Variants in ELMOD3 observed in about 807,000 individuals in gnomAD.
The protein encoded by ELMOD3 is ELMO domain containing 3.
ELMOD3 carries 36 observed loss-of-function variants against 47.4 expected under a neutral mutation model. That is an observed-to-expected ratio of 0.76 (90% CI 0.58 to 1.00). The LOEUF is 1.00. ELMOD3 is among the 50% of genes least tolerant of loss of function. The pLI is 0.00. For synonymous variants in ELMOD3, 149 were observed against 183.5 expected, an observed-to-expected ratio of 0.81 and a Z score of 1.52; for missense variants, 404 against 463.8, an observed-to-expected ratio of 0.87 and a Z score of 1.18.
At chr2:85,356,099 A>T (rs144525036) in intron 3 of ELMOD3, 6 of 152,364 alleles carry the variant, frequency 3.9e-5, no homozygotes, top group African/African-American at 9.6e-5. Flanking sequence ...CGGATGTCCA[A>T]TTCCCCTGTG....
chr2:85,390,163 AT>A lies in ELMOD3; in HGVS notation c.842del (p.Ile281ThrfsTer4). On this transcript the variant is annotated frameshift_variant, in exon 13 of 14. Transcript: ENST00000409013. LOFTEE classifies it high-confidence loss of function. Reference protein sequence around the residue: ...SRECNRQQKVIPVVNSFYAAT... With the variant: ...SRECNRQQKVXPVVNSFYAAT... Reference sequence around the variant, plus strand: ...AGAGTGTAATCGGCAGCAGAAGGTCATCCCCGTGGTGAACAGCTTCTATGCC... The same window carrying A: ...AGAGTGTAATCGGCAGCAGAAGGTCACCCCGTGGTGAACAGCTTCTATGCC... The A allele has an allele frequency of 6.2e-7, 1 of 1,614,188 alleles. No homozygotes were observed.
intron 11 of ELMOD3, among the ~76,000 whole-genome samples, chr2:85,380,173 A>T (rs1391165704): frequency 1.3e-5 from 2 of 152,260 alleles, no homozygotes; most frequent in Non-Finnish European, 2.9e-5. Flanking sequence ...ATTGCCATAA[A>T]TTAAGAATAC....
intron 11 of ELMOD3, among the ~76,000 whole-genome samples, chr2:85,386,375 C>T (rs1345712753): frequency 7.5e-6 from 1 of 132,782 alleles, no homozygotes; most frequent in African/African-American, 2.8e-5. Flanking sequence ...TTTTTTGATA[C>T]GTAGGCTTTT....
intron 4 of ELMOD3, among the ~76,000 whole-genome samples, chr2:85,360,013 A>G (rs188837131): frequency 3.7e-4 from 56 of 152,222 alleles, no homozygotes; most frequent in African/African-American, 7.2e-5. Flanking sequence ...TGAGTGAGCC[A>G]TGATCGTGCC....
At chr2:85,384,733 C>T (rs1015518179) in intron 11 of ELMOD3, among the ~76,000 whole-genome samples, 1 of 152,100 alleles carries the variant, frequency 6.6e-6, no homozygotes, top group Admixed American at 6.6e-5. Context: ...GTGTGCCGTA[C>T]CATGCCCAGC....
At position 85,371,316 on chromosome 2, in the gene ELMOD3, TGGC is replaced by T. The variant is rs370124766; in HGVS notation, c.484+110_484+112del. 9.9e-4 allele frequency: 1,587 copies of T among 1,603,010 alleles called. 19 individuals are homozygous for T. The African/African-American group carries it at 0.019, about 19-fold the overall frequency. On this transcript the variant is annotated intron_variant, in intron 9 of 13. Transcript: ENST00000409013. ...CCAGGAATATTGCATGTACCATGGT[TGGC>T]GGGTGAGAGTGGGAGCTGAGAACTG...
At position 85,368,766 on chromosome 2, in the gene ELMOD3, A is replaced by T; in HGVS notation, c.268+12A>T. 6.2e-7 allele frequency: 1 copy of T among 1,614,040 alleles called. No homozygotes were observed. On this transcript the variant is annotated intron_variant, in intron 7 of 13. Coordinates refer to ENST00000409013, the MANE Select transcript of ELMOD3 (RefSeq NM_001135022.2). ...CCAGCCAGAGACAGGTAACTGTACG[A>T]ATGCTGCTGTCTCCCCATAGCCCCT...
chr2:85,384,136 A>G (rs564280604), intron 11 of ELMOD3, among the ~76,000 whole-genome samples: 1 of 152,380 alleles, frequency 6.6e-6, no homozygotes, highest in African/African-American at 2.4e-5. Flanking sequence ...GGAGGCAATC[A>G]GATATGCGTT....
At position 85,356,964 on chromosome 2, in the gene ELMOD3, C is replaced by A; in HGVS notation, c.-232-3C>A. 1 of 374,684 alleles carries A rather than the reference C, an allele frequency of 2.7e-6. No homozygotes were observed. The highest frequency in any genetic ancestry group is 4.7e-6 in the Non-Finnish European group (1 of 210,946). 23.2% of individuals were successfully genotyped at this position (374,684 alleles called of 1,614,324 possible). On this transcript the variant is annotated splice_polypyrimidine_tract_variant and splice_region_variant and intron_variant, in intron 3 of 13. Coordinates refer to ENST00000409013, the MANE Select transcript of ELMOD3 (RefSeq NM_001135022.2). ...TTCAATTTCTTTTTTTTCTTTTGTGCAGAGCTGAGGCTTCGAAGACCTCAG... is the reference window on the plus strand; with the variant it reads ...TTCAATTTCTTTTTTTTCTTTTGTGAAGAGCTGAGGCTTCGAAGACCTCAG...
intron 13 of ELMOD3, 132 bp from the exon 14 acceptor site, chr2:85,390,628 G>A (rs540893631): frequency 5.3e-6 from 8 of 1,500,292 alleles, no homozygotes; most frequent in Non-Finnish European, 7.1e-6. Flanking sequence ...CTCTCCATCT[G>A]AGGCTCCTTC....
chr2:85,390,010 TG>T, intron 12 of ELMOD3, 127 bp from the exon 13 acceptor site: 2 of 1,128,952 alleles, frequency 1.8e-6, no homozygotes, highest in Non-Finnish European at 1.4e-6. Flanking sequence ...GTCAGGCTCC[TG>T]GGGAATGGTG....
At chr2:85,371,337 G>A (rs910363899) in intron 9 of ELMOD3, 103 bp from the exon 10 acceptor site, 8 of 1,598,488 alleles carry the variant, frequency 5.0e-6, no homozygotes, top group Admixed American at 1.7e-5. Context: ...AGTGGGAGCT[G>A]AGAACTGGAT....
intron 6 of ELMOD3, among the ~76,000 whole-genome samples, chr2:85,366,606 G>T (rs1684404668): frequency 6.6e-6 from 1 of 152,180 alleles, no homozygotes. Flanking sequence ...CCCCATGAGG[G>T]GTTACAGATG....
At chr2:85,375,198 T>G (rs1453645858) in intron 10 of ELMOD3, among the ~76,000 whole-genome samples, 1 of 152,254 alleles carries the variant, frequency 6.6e-6, no homozygotes, top group Non-Finnish European at 1.5e-5. Flanking sequence ...GTCTTGAGTC[T>G]GTAGGTTTGT....
At chr2:85,387,518 T>C (rs1686013360) in intron 11 of ELMOD3, among the ~76,000 whole-genome samples, 1 of 151,740 alleles carries the variant, frequency 6.6e-6, no homozygotes, top group African/African-American at 2.4e-5. Flanking sequence ...AAAAATTAGC[T>C]GGGCGTGGTG....
At chr2:85,388,173 A>G (rs1312683692) in intron 11 of ELMOD3, among the ~76,000 whole-genome samples, 1 of 151,790 alleles carries the variant, frequency 6.6e-6, no homozygotes, top group Non-Finnish European at 1.5e-5. Context: ...ATTTTTTTGT[A>G]GAGACAGGAT....
intron 11 of ELMOD3, among the ~76,000 whole-genome samples, chr2:85,384,830 C>CT (rs1490043903): frequency 5.3e-5 from 8 of 152,030 alleles, no homozygotes; most frequent in African/African-American, 1.9e-4. Flanking sequence ...TTCATGGGAC[C>CT]TAGGATTCAT....
chr2:85,371,508 T>C lies in ELMOD3; in HGVS notation c.553T>C (p.Ser185Pro). ...GACCATCTATAAGAAGCTGACCGGC[T>C]CCAAGTTTGACTGTGCCCTTCATGG... Reference protein sequence around the residue: ...LQTIYKKLTGSKFDCALHGNH... With the variant: ...LQTIYKKLTGPKFDCALHGNH... The change falls in exon 10 of 14, where the codon TCC becomes CCC. Residue 185 changes from serine (S) to proline (P), a missense_variant. Coordinates refer to ENST00000409013, the MANE Select transcript of ELMOD3 (RefSeq NM_001135022.2). 6.2e-7 allele frequency: 1 copy of C among 1,614,202 alleles called. No individual in the cohort carries two copies. The highest frequency in any genetic ancestry group is 8.5e-7 in the Non-Finnish European group (1 of 1,180,034).
chr2:85,387,044 G>T, intron 11 of ELMOD3: 1 of 1,281,632 alleles, frequency 7.8e-7, no homozygotes, highest in Non-Finnish European at 1.0e-6. Flanking sequence ...ACTAAGTTCA[G>T]GTCCTCTGTT....
Sources: allele counts gnomAD v4.1 joint callset (sites outside exome capture counted in the v4.1 genomes callset), GRCh38; gene constraint gnomAD v4.1.1; transcripts MANE v1.5; gene names NCBI Gene and HGNC (gene_info 2026-07-23, HGNC 2026-07-21).